The following VPS13C variants were observed in gnomAD, a reference collection of about 807,000 sequenced individuals.
The protein encoded by VPS13C is vacuolar protein sorting 13 homolog C, also known as intermembrane lipid transfer protein VPS13C.
A neutral mutation model predicts 456.8 loss-of-function variants in VPS13C; 358 were observed. The observed-to-expected ratio is 0.78, with a 90% confidence interval of 0.72 to 0.86. The LOEUF is 0.86. VPS13C is among the 40% of genes least tolerant of loss of function. The probability of loss-of-function intolerance (pLI) is 0.00; values close to 1 mark genes in which losing one functional copy is unlikely to be tolerated. For missense variants in VPS13C, 4,818 were observed against 4,385.4 expected (o/e 1.10, Z -2.79); for synonymous variants, 1,578 against 1,486.7 (o/e 1.06, Z -1.41).
intron 45 of VPS13C, among the ~76,000 whole-genome samples, chr15:61,943,120 GAC>G (rs1282367538): frequency 6.6e-6 from 1 of 152,100 alleles, no homozygotes; most frequent in Non-Finnish European, 1.5e-5. Flanking sequence ...AATCACAGAT[GAC>G]ACAGACAAAT....
At chr15:61,869,708 G>C (rs1596272970) in intron 79 of VPS13C, 85 bp from the exon 80 acceptor site, 1 of 1,576,624 alleles carries the variant, frequency 6.3e-7, no homozygotes, top group African/African-American at 1.4e-5. Flanking sequence ...GCCAGATACT[G>C]AACTGTTTTA....
At chr15:62,024,695 G>A (rs538805575) in intron 6 of VPS13C, among the ~76,000 whole-genome samples, 3 of 152,134 alleles carry the variant, frequency 2.0e-5, no homozygotes, top group African/African-American at 7.2e-5. Context: ...CAACCTTCCA[G>A]ACATAATTAA....
intron 1 of VPS13C, among the ~76,000 whole-genome samples, chr15:62,054,781 T>C (rs973978928): frequency 6.6e-5 from 10 of 151,370 alleles, no homozygotes; most frequent in African/African-American, 2.4e-4. Context: ...TTAATACCTC[T>C]AAAAGTCTGA....
At chr15:61,984,784 C>T in intron 19 of VPS13C, 73 bp downstream of exon 19, 1 of 1,460,996 alleles carries the variant, frequency 6.8e-7, no homozygotes, top group Non-Finnish European at 9.3e-7. Flanking sequence ...CATTTTTAAA[C>T]CTGAATAACA....
chr15:61,972,362 A>T (rs1484182221), intron 27 of VPS13C, among the ~76,000 whole-genome samples: 7 of 152,202 alleles, frequency 4.6e-5, no homozygotes. Flanking sequence ...TCTAATTAAA[A>T]GTCTAAGCTC....
intron 26 of VPS13C, 86 bp from the exon 27 acceptor site, chr15:61,972,850 A>G: frequency 7.3e-7 from 1 of 1,372,946 alleles, no homozygotes; most frequent in South Asian, 1.5e-5. Flanking sequence ...CTAAAAAGTG[A>G]AATTCATTTA....
intron 6 of VPS13C, among the ~76,000 whole-genome samples, chr15:62,026,425 T>G (rs2047641360): frequency 6.6e-6 from 1 of 152,048 alleles, no homozygotes; most frequent in South Asian, 2.1e-4. Context: ...CAGAAAAGTC[T>G]TAAAGTACTA....
At chr15:61,997,981 A>G (rs1009391284) in intron 16 of VPS13C, among the ~76,000 whole-genome samples, 3 of 152,154 alleles carry the variant, frequency 2.0e-5, no homozygotes, top group Admixed American at 1.3e-4. Flanking sequence ...AATGGCTTGT[A>G]AGATGCTACA....
At chr15:62,049,648 G>C (rs188631831) in intron 1 of VPS13C, among the ~76,000 whole-genome samples, 9 of 152,190 alleles carry the variant, frequency 5.9e-5, no homozygotes, top group Non-Finnish European at 1.2e-4. Context: ...GAAAGTCATT[G>C]GTAGCTTGAT....
chr15:62,020,431 A>G (rs2047420594), intron 9 of VPS13C, 48 bp downstream of exon 9: 1 of 1,529,078 alleles, frequency 6.5e-7, no homozygotes, highest in African/African-American at 1.4e-5. Flanking sequence ...TGACTTCAGA[A>G]TAATACTTTA....
At chr15:61,934,981 G>C (rs1405162287) in intron 48 of VPS13C, among the ~76,000 whole-genome samples, 2 of 152,112 alleles carry the variant, frequency 1.3e-5, no homozygotes, top group Non-Finnish European at 2.9e-5. Flanking sequence ...TCGATCTCCT[G>C]ACCTCGTGAT....
chr15:61,913,276 C>T (rs199797519), intron 62 of VPS13C, 35 bp downstream of exon 62: 61 of 1,577,726 alleles, frequency 3.9e-5, no homozygotes, highest in African/African-American at 1.2e-4. Flanking sequence ...CAAAGGTGAA[C>T]GGAATCAAAG....
intron 1 of VPS13C, among the ~76,000 whole-genome samples, chr15:62,047,293 G>C (rs1390409927): frequency 2.0e-5 from 3 of 151,926 alleles, no homozygotes; most frequent in African/African-American, 7.3e-5. Flanking sequence ...CCGGGCATGG[G>C]CATGGTGGCA....
At chr15:62,034,089 GTATT>G (rs1414420012) in intron 4 of VPS13C, among the ~76,000 whole-genome samples, 2 of 151,548 alleles carry the variant, frequency 1.3e-5, no homozygotes, top group Non-Finnish European at 3.0e-5. Context: ...TTACAATGAT[GTATT>G]TATAGTACTG....
At chr15:61,905,302 C>G (rs2043124007) in intron 66 of VPS13C, among the ~76,000 whole-genome samples, 2 of 152,108 alleles carry the variant, frequency 1.3e-5, no homozygotes, top group Admixed American at 1.3e-4. Flanking sequence ...TCTTTACTTT[C>G]TTTTTGCTTC....
chr15:61,978,087 A>G (rs1187778477), intron 23 of VPS13C, among the ~76,000 whole-genome samples: 1 of 152,052 alleles, frequency 6.6e-6, no homozygotes, highest in Non-Finnish European at 1.5e-5. Context: ...GTAAGCATAG[A>G]AAAACACCAA....
Position 61,920,505 on chromosome 15 carries a change from A to G in VPS13C, c.7205T>C (p.Leu2402Ser), listed in dbSNP as rs567191560. ...SKSCLNVFNN[L>S]AKGFSEGTAS... ...AGCAAGATTCAGACATACTTTTGCT[A>G]AATTGTTGAAAACATTAAGACAACT... The change falls in exon 56 of 85, where the codon TTA becomes TCA. Residue 2402 changes from leucine (L) to serine (S), a missense_variant. By Grantham distance (145) the Leu-to-Ser change is moderately radical. Around this residue, in one of 3 missense-constraint regions of VPS13C, gnomAD observed 4,552 missense variants for 4,130.6 expected, o/e 1.10. Transcript: ENST00000644861. 1 of 1,530,648 alleles carries G rather than the reference A, an allele frequency of 6.5e-7. No homozygotes were observed. The highest frequency in any genetic ancestry group is 1.3e-5 in the South Asian group (1 of 78,156). The allele number at this position is 1,530,648 out of a possible 1,614,324, so 94.8% of individuals were successfully genotyped here.
At chr15:61,975,963 T>TA (rs1446650798) in intron 24 of VPS13C, among the ~76,000 whole-genome samples, 2 of 152,080 alleles carry the variant, frequency 1.3e-5, no homozygotes, top group Non-Finnish European at 2.9e-5. Flanking sequence ...ATCCTGCAGA[T>TA]AGGACCCAAG....
chr15:61,930,899 C>A (rs780192518), intron 50 of VPS13C, among the ~76,000 whole-genome samples, 191 bp downstream of exon 50: 12 of 152,214 alleles, frequency 7.9e-5, no homozygotes, highest in Non-Finnish European at 1.5e-4. Context: ...TATAATTAAA[C>A]TTCCCTTTAA....
Sources: allele counts gnomAD v4.1 joint callset (sites outside exome capture counted in the v4.1 genomes callset), GRCh38; gene constraint gnomAD v4.1.1; regional missense constraint gnomAD v4.1.1; transcripts MANE v1.5; gene names NCBI Gene and HGNC (gene_info 2026-07-23, HGNC 2026-07-21).